The following PAPPA2 variants were observed in gnomAD, a reference collection of about 807,000 sequenced individuals.
PAPPA2 encodes the protein pappalysin-2.
PAPPA2 carries 86 observed loss-of-function variants against 176.4 expected under a neutral mutation model. The ratio of observed to expected loss-of-function variants is 0.49; its 90% confidence interval spans 0.41 to 0.58. The LOEUF (loss-of-function observed/expected upper bound fraction) is 0.58. PAPPA2 is among the 20% of genes least tolerant of loss of function. The probability of loss-of-function intolerance (pLI) is 0.00; values close to 1 mark genes in which losing one functional copy is unlikely to be tolerated. For missense variants in PAPPA2, 2,073 were observed against 2,256.9 expected, an observed-to-expected ratio of 0.92 and a Z score of 1.65; for synonymous variants, 809 against 852.2, an observed-to-expected ratio of 0.95 and a Z score of 0.88.
chr1:176,794,804 G>T (rs1211496062), intron 20 of PAPPA2, among the ~76,000 whole-genome samples: 3 of 149,374 alleles, frequency 2.0e-5, no homozygotes, highest in Non-Finnish European at 3.0e-5. Flanking sequence ...AGATGTAAGG[G>T]TTTGAAGTTT....
At chr1:176,524,808 G>A (rs1297376567) in intron 1 of PAPPA2, among the ~76,000 whole-genome samples, 1 of 152,188 alleles carries the variant, frequency 6.6e-6, no homozygotes, top group African/African-American at 2.4e-5. Flanking sequence ...CGGATCATGA[G>A]GTCAGGAGAT....
At chr1:176,683,504 T>C (rs1474855291) in intron 4 of PAPPA2, among the ~76,000 whole-genome samples, 6 of 152,220 alleles carry the variant, frequency 3.9e-5, no homozygotes, top group Admixed American at 3.9e-4. Flanking sequence ...CTTCTGTCAT[T>C]AAACTTTCTT....
intron 2 of PAPPA2, among the ~76,000 whole-genome samples, chr1:176,570,771 T>A (rs1305267207): frequency 1.3e-5 from 2 of 151,478 alleles, no homozygotes; most frequent in African/African-American, 4.8e-5. Flanking sequence ...TCCCAGCCCC[T>A]CTGGCTCTCT....
At chr1:176,518,953 G>T (rs566385850) in intron 1 of PAPPA2, among the ~76,000 whole-genome samples, 2 of 152,134 alleles carry the variant, frequency 1.3e-5, no homozygotes, top group Non-Finnish European at 2.9e-5. Context: ...CACATATGTC[G>T]TTCTAGAGAG....
chr1:176,830,445 G>A (rs555416491), intron 21 of PAPPA2, among the ~76,000 whole-genome samples: 1 of 152,280 alleles, frequency 6.6e-6, no homozygotes, highest in African/African-American at 2.4e-5. Context: ...AAAGGGAACA[G>A]AAAAGAGACA....
At chr1:176,737,150 T>A (rs1232280971) in intron 12 of PAPPA2, among the ~76,000 whole-genome samples, 1 of 152,132 alleles carries the variant, frequency 6.6e-6, no homozygotes, top group African/African-American at 2.4e-5. Flanking sequence ...TTTACCTGAT[T>A]TCATTTAATA....
chr1:176,622,580 TA>T (rs1191921052), intron 3 of PAPPA2, among the ~76,000 whole-genome samples: 2 of 152,148 alleles, frequency 1.3e-5, no homozygotes, highest in African/African-American at 4.8e-5. Context: ...GAGATCAAGG[TA>T]TCTTGAAGCA....
intron 2 of PAPPA2, among the ~76,000 whole-genome samples, chr1:176,559,149 T>A (rs1651513551): frequency 6.6e-6 from 1 of 151,948 alleles, no homozygotes; most frequent in South Asian, 2.1e-4. Context: ...CAGCACACAC[T>A]CAGATCCTTC....
At chr1:176,825,692 A>C (rs972864132) in intron 21 of PAPPA2, among the ~76,000 whole-genome samples, 1 of 152,266 alleles carries the variant, frequency 6.6e-6, no homozygotes, top group African/African-American at 2.4e-5. Flanking sequence ...TAGGTACTGC[A>C]GATAACTTTG....
intron 1 of PAPPA2, among the ~76,000 whole-genome samples, 184 bp downstream of exon 1, chr1:176,463,602 A>G (rs991618700): frequency 2.6e-5 from 4 of 152,204 alleles, no homozygotes; most frequent in Non-Finnish European, 5.9e-5. Flanking sequence ...CATTGTTCCC[A>G]TCCAAGGGTC....
In PAPPA2 at chr1:176,595,562, G is replaced by A. The variant is rs201944642; in HGVS notation, c.1958G>A (p.Arg653His). The change falls in exon 3 of 23, where the codon CGC becomes CAC. Residue 653 changes from arginine (R) to histidine (H), a missense_variant. Physicochemically the swap from Arg to His is conservative, Grantham distance 29 (BLOSUM62 0). This residue lies in a region of PAPPA2 where 1,196 missense variants were observed against 1,330.4 expected (regional missense o/e 0.90). Coordinates refer to ENST00000367662, the MANE Select transcript of PAPPA2 (RefSeq NM_020318.3). ...DCCDPQVADV[R>H]KTCFDPDSPK... is the part of the protein sequence containing the mutation. ...TGCGACCCCCAGGTGGCTGATGTGC[G>A]CAAGACCTGCTTTGACCCTGACTCA... The A allele has an allele frequency of 6.5e-5, 105 of 1,613,550 alleles. No homozygotes were observed. Among genetic ancestry groups the A allele is most frequent in the East Asian group, 6.0e-4 (27 of 44,870 alleles).
intron 3 of PAPPA2, chr1:176,616,687 C>G (rs553311328): frequency 6.6e-7 from 1 of 1,523,984 alleles, no homozygotes; most frequent in East Asian, 2.3e-5. Flanking sequence ...TTAAGCTCCT[C>G]TATAAATTTA....
At chr1:176,605,586 A>C (rs973542708) in intron 3 of PAPPA2, among the ~76,000 whole-genome samples, 5 of 152,206 alleles carry the variant, frequency 3.3e-5, no homozygotes, top group African/African-American at 9.7e-5. Context: ...TATCTCATTG[A>C]GTTTTTCCCT....
intron 17 of PAPPA2, among the ~76,000 whole-genome samples, chr1:176,778,203 A>C (rs1664549405): frequency 6.6e-6 from 1 of 152,108 alleles, no homozygotes; most frequent in African/African-American, 2.4e-5. Context: ...AAAAAAATGT[A>C]CTATTCTCCC....
intron 21 of PAPPA2, among the ~76,000 whole-genome samples, chr1:176,832,162 A>G (rs1246951578): frequency 3.9e-5 from 6 of 152,184 alleles, no homozygotes; most frequent in African/African-American, 1.4e-4. Flanking sequence ...AATGCTTGCT[A>G]TAGGTCAGGC....
At chr1:176,616,880 A>G (rs1169488005) in intron 3 of PAPPA2, 2 of 448,758 alleles carry the variant, frequency 4.5e-6, no homozygotes, top group African/African-American at 2.0e-5. Context: ...GTCGACTTCA[A>G]TATACTCCAC....
rs1198828841 is a variant in PAPPA2 at position 176,623,758 on chromosome 1, C to CCTTCCTTCCTTTCTTTCTTTCTTT, written c.1991+28166_1991+28167insCCTTCCTTTCTTTCTTTCTTTCTT. 1.1e-3 allele frequency among the ~76,000 whole-genome samples: 62 copies of CCTTCCTTCCTTTCTTTCTTTCTTT among 59,040 alleles called. 1 individual carries two copies. Among genetic ancestry groups the CCTTCCTTCCTTTCTTTCTTTCTTT allele is most frequent in the African/African-American group, 1.7e-3 (22 of 13,174 alleles). 38.7% of individuals were successfully genotyped at this position (59,040 alleles called of 152,430 possible). On this transcript the variant is annotated intron_variant, in intron 3 of 22. Coordinates refer to ENST00000367662, the MANE Select transcript of PAPPA2 (RefSeq NM_020318.3). The stretch of plus-strand genomic sequence containing the variant: ...TTTCTTTCTCTCTCTTTCCTTCCTT[C>CCTTCCTTCCTTTCTTTCTTTCTTT]CTTTCTTTCTTTCTTTCTTTCTTTC...
chr1:176,676,155 C>T (rs565183272), intron 4 of PAPPA2, among the ~76,000 whole-genome samples: 3 of 152,074 alleles, frequency 2.0e-5, no homozygotes, highest in African/African-American at 7.2e-5. Flanking sequence ...CACAGCCACT[C>T]GAGAATACTT....
At chr1:176,465,447 C>T (rs955454474) in intron 1 of PAPPA2, among the ~76,000 whole-genome samples, 2 of 151,418 alleles carry the variant, frequency 1.3e-5, no homozygotes, top group African/African-American at 2.5e-5. Context: ...CAGGTGACAA[C>T]GTTTATTTGA....
Sources: allele counts gnomAD v4.1 joint callset (sites outside exome capture counted in the v4.1 genomes callset), GRCh38; gene constraint gnomAD v4.1.1; regional missense constraint gnomAD v4.1.1; transcripts MANE v1.5; gene names NCBI Gene and HGNC (gene_info 2026-07-23, HGNC 2026-07-21).